APLF: variants seen among roughly 807,000 people sequenced by gnomAD.
The protein encoded by APLF is aprataxin and PNKP like factor, also known as aprataxin and PNK-like factor.
Under a neutral mutation model 55.6 loss-of-function variants are expected in APLF, and 61 were observed. The observed-to-expected ratio is 1.10, with a 90% CI of 0.89 to 1.36. The LOEUF is 1.36. APLF is among the 40% of genes most tolerant of loss of function. The probability of loss-of-function intolerance (pLI) is 0.00; values close to 1 mark genes in which losing one functional copy is unlikely to be tolerated. For missense variants in APLF, 611 were observed against 602.5 expected (o/e 1.01, Z -0.15); for synonymous variants, 207 against 214.8 (o/e 0.96, Z 0.32).
At chr2:68,486,476 A>AT (rs1357701845) in intron 1 of APLF, among the ~76,000 whole-genome samples, 1 of 151,680 alleles carries the variant, frequency 6.6e-6, no homozygotes, top group Non-Finnish European at 1.5e-5. Context: ...GTGTGACTTA[A>AT]TTTTTTTTGG....
At position 68,513,284 on chromosome 2, in the gene APLF, C is replaced by G. The variant is rs1573198844; in HGVS notation, c.489+57C>G. The G allele has an allele frequency of 3.3e-6, 5 of 1,518,662 alleles. No individual in the cohort carries two copies. The East Asian group carries it at 1.2e-4, about 35-fold the overall frequency. 94.1% of individuals were successfully genotyped at this position (1,518,662 alleles called of 1,614,324 possible). A position where few individuals can be genotyped will look rare whatever the true frequency, so the allele number is the denominator to read the frequency against. On this transcript the variant is annotated intron_variant, in intron 4 of 9. Coordinates refer to ENST00000303795, the MANE Select transcript of APLF (RefSeq NM_173545.3). ...CATGTTCTTCAAGTTATTATGAAGGCAGAAAAGACAACTGAAATTAGGCCT... is the reference window on the plus strand; with the variant it reads ...CATGTTCTTCAAGTTATTATGAAGGGAGAAAAGACAACTGAAATTAGGCCT...
chr2:68,518,189 A>G (rs1442927261), intron 5 of APLF, among the ~76,000 whole-genome samples: 1 of 123,170 alleles, frequency 8.1e-6, no homozygotes, highest in Non-Finnish European at 1.6e-5. Context: ...TTATCAATAT[A>G]TATTACTAAT....
At position 68,526,094 on chromosome 2, in the gene APLF, T is replaced by C. The variant is rs1256258851; in HGVS notation, c.656T>C (p.Ile219Thr). 1.2e-6 allele frequency: 2 copies of C among 1,613,228 alleles called. No individual in the cohort carries two copies. Among genetic ancestry groups the C allele is most frequent in the South Asian group, 2.2e-5 (2 of 90,942 alleles). ...ATCCAGGGAAGTGGAAAAGAAGAAA[T>C]CTGCAAAGATAAATCCCAGCTAAAC... is the stretch of plus-strand genomic sequence containing the variant. ...NVIQGSGKEE[I>T]CKDKSQLNTT... Residue 219 changes from isoleucine (I) to threonine (T), a missense_variant, in exon 6 of 10, where the codon ATC becomes ACC. Coordinates refer to ENST00000303795, the MANE Select transcript of APLF (RefSeq NM_173545.3).
rs1460840195 is a variant in APLF, at chr2:68,490,280, A to G, written c.168+19A>G. 6.2e-7 allele frequency: 1 copy of G among 1,603,078 alleles called. No individual in the cohort carries two copies. The highest frequency in any genetic ancestry group is 2.2e-5 in the East Asian group (1 of 44,700). ...CAAACCGGTAAATATGTTATTAATG[A>G]TTCATTTTAACTTTCATCTCTTACC... On this transcript the variant is annotated intron_variant, in intron 2 of 9. Transcript: ENST00000303795.
At chr2:68,548,003 T>C (rs1410963648) in intron 8 of APLF, among the ~76,000 whole-genome samples, 2 of 151,824 alleles carry the variant, frequency 1.3e-5, no homozygotes, top group African/African-American at 4.8e-5. Context: ...GAATCAACTG[T>C]GCCTTTTGTT....
chr2:68,505,874 C>A (rs535842895), intron 3 of APLF, among the ~76,000 whole-genome samples: 2 of 152,114 alleles, frequency 1.3e-5, no homozygotes, highest in African/African-American at 4.8e-5. Context: ...ATGATTAAGT[C>A]AATCTCCAGC....
At chr2:68,545,476 T>C (rs577693718) in intron 8 of APLF, among the ~76,000 whole-genome samples, 164 bp downstream of exon 8, 1 of 152,320 alleles carries the variant, frequency 6.6e-6, no homozygotes, top group Non-Finnish European at 1.5e-5. Context: ...TGATATTTCT[T>C]TTAGCTAATT....
At chr2:68,532,598 C>T (rs570980174) in intron 6 of APLF, among the ~76,000 whole-genome samples, 75 of 152,124 alleles carry the variant, frequency 4.9e-4, no homozygotes, top group Non-Finnish European at 9.3e-4. Context: ...TTCTACCATA[C>T]GTATTAGACT....
Position 68,497,846 on chromosome 2 carries a change from T to C in APLF, c.169-4885T>C, listed in dbSNP as rs187520541. On this transcript the variant is annotated intron_variant, in intron 2 of 9. Transcript: ENST00000303795. Reference sequence around the variant, plus strand: ...TATCAGGAGTGCTATCCAAAACATATGACAGATGCCTTTAATCAATGAGAA... The same window carrying C: ...TATCAGGAGTGCTATCCAAAACATACGACAGATGCCTTTAATCAATGAGAA... Among the ~76,000 whole-genome samples the C allele has an allele frequency of 2.2e-4, 34 of 152,124 alleles. No individual in the cohort carries two copies. In the East Asian group the frequency reaches 5.2e-3, roughly 23 times the overall value.
In APLF at chr2:68,474,203, C is replaced by T. The variant is rs368314732; in HGVS notation, c.96+6376C>T. ...CCTCCAGAAACCTCTACATGTTCAC[C>T]TGTTTGGAAGCTTTCCTAACCCTGT... On this transcript the variant is annotated intron_variant, in intron 1 of 9. Coordinates refer to ENST00000303795, the MANE Select transcript of APLF (RefSeq NM_173545.3). Among the ~76,000 whole-genome samples the T allele has an allele frequency of 6.5e-3, 986 of 152,368 alleles. 7 individuals carry two copies. The highest frequency in any genetic ancestry group is 0.023 in the African/African-American group (939 of 41,594).
intron 8 of APLF, among the ~76,000 whole-genome samples, chr2:68,562,476 A>G (rs1407188764): frequency 6.6e-6 from 1 of 152,042 alleles, no homozygotes; most frequent in Non-Finnish European, 1.5e-5. Flanking sequence ...GACAGATGAT[A>G]GAGATAATGC....
chr2:68,488,098 G>T (rs563222527), intron 1 of APLF, among the ~76,000 whole-genome samples: 198 of 152,150 alleles, frequency 1.3e-3, no homozygotes, highest in African/African-American at 4.4e-3. Flanking sequence ...AGGAAAGAAA[G>T]AAATTTAAGA....
intron 5 of APLF, among the ~76,000 whole-genome samples, chr2:68,518,170 TATA>T (rs1468074216): frequency 4.7e-5 from 5 of 105,488 alleles, no homozygotes; most frequent in Admixed American, 1.0e-4. Context: ...ATAATAGTAA[TATA>T]ATATATTATC....
intron 2 of APLF, among the ~76,000 whole-genome samples, chr2:68,502,440 A>G (rs1676750332): frequency 6.6e-6 from 1 of 152,040 alleles, no homozygotes; most frequent in Non-Finnish European, 1.5e-5. Flanking sequence ...CTATTAAGCA[A>G]AATAGAAGAC....
chr2:68,565,275 T>C (rs1053265585), intron 8 of APLF, among the ~76,000 whole-genome samples: 5 of 152,056 alleles, frequency 3.3e-5, no homozygotes, highest in African/African-American at 1.2e-4. Context: ...ATACTTCCTA[T>C]TGCCCAACAA....
intron 1 of APLF, among the ~76,000 whole-genome samples, chr2:68,469,135 C>A (rs941209244): frequency 6.6e-6 from 1 of 152,022 alleles, no homozygotes; most frequent in African/African-American, 2.4e-5. Flanking sequence ...AAATATTTAA[C>A]ATCATTTCTA....
Position 68,488,944 on chromosome 2 carries a change from C to T in APLF, c.97-1246C>T, listed in dbSNP as rs189200536. Among the ~76,000 whole-genome samples, 802 of 151,964 alleles carry T rather than the reference C, an allele frequency of 5.3e-3. 4 individuals are homozygous for T. The highest frequency in any genetic ancestry group is 9.3e-3 in the Non-Finnish European group (630 of 67,980). ...ATATGTAACTAACCTGCACATTGTGCACATGTACCCTAAAACTTAAAGTAT... is the reference window on the plus strand; with the variant it reads ...ATATGTAACTAACCTGCACATTGTGTACATGTACCCTAAAACTTAAAGTAT... On this transcript the variant is annotated intron_variant, in intron 1 of 9. Coordinates refer to ENST00000303795, the MANE Select transcript of APLF (RefSeq NM_173545.3).
At chr2:68,571,714 A>C (rs895959002) in intron 9 of APLF, among the ~76,000 whole-genome samples, 13 of 152,196 alleles carry the variant, frequency 8.5e-5, no homozygotes, top group Non-Finnish European at 8.8e-5. Context: ...TATAGTTTGA[A>C]GTCAGGTAGC....
At chr2:68,567,878 C>T (rs1403218786) in intron 9 of APLF, among the ~76,000 whole-genome samples, 1 of 152,052 alleles carries the variant, frequency 6.6e-6, no homozygotes, top group African/African-American at 2.4e-5. Context: ...ACGATAATCA[C>T]CCGTAAGGAA....
Sources: gnomAD v4.1 joint callset for allele counts (sites outside exome capture counted in the v4.1 genomes callset) on GRCh38, gnomAD v4.1.1 for gene constraint, MANE v1.5 for transcripts, NCBI Gene and HGNC (gene_info 2026-07-23, HGNC 2026-07-21) for gene names.